COL8A2: variants seen among roughly 807,000 people sequenced by gnomAD.
COL8A2 encodes the protein collagen alpha-2(VIII) chain.
A neutral mutation model predicts 24.0 loss-of-function variants in COL8A2; 16 were observed. The ratio of observed to expected loss-of-function variants is 0.67; its 90% CI spans 0.45 to 1.01. The LOEUF is 1.01. Among genes scored for constraint, COL8A2 ranks in the 50% least tolerant of loss-of-function variants. The pLI is 0.00. For missense variants in COL8A2, 818 were observed against 942.4 expected (o/e 0.87, Z 1.73); for synonymous variants, 466 against 424.5 (o/e 1.10, Z -1.20).
chr1:36,099,013 C>A lies in COL8A2; in HGVS notation c.668G>T (p.Gly223Val). 6.4e-7 allele frequency: 1 copy of A among 1,565,384 alleles called. No homozygotes were observed. The highest frequency in any genetic ancestry group is 8.7e-7 in the Non-Finnish European group (1 of 1,155,472). The change falls in exon 4 of 4, where the codon GGT (glycine) becomes GTT (valine). Residue 223 changes from glycine (G) to valine (V), a missense_variant. Gly to Val is a moderately radical substitution (Grantham distance 109). This residue lies in a region of COL8A2 where 573 missense variants were observed against 616.8 expected (regional missense o/e 0.93). Coordinates refer to ENST00000397799, the MANE Select transcript of COL8A2 (RefSeq NM_005202.4). ...PGLPGAPGQG[G>V]APGPPGLPGP... Reference sequence around the variant, plus strand: ...AGGGAGGCCGGGGGGGCCGGGGGCACCCCCCTGCCCTGGGGCCCCAGGCAG... The same window carrying A: ...AGGGAGGCCGGGGGGGCCGGGGGCAACCCCCTGCCCTGGGGCCCCAGGCAG...
In COL8A2 at chr1:36,100,260, T is replaced by C; in HGVS notation, c.-16-2A>G. 6.5e-7 allele frequency: 1 copy of C among 1,543,126 alleles called. No individual in the cohort carries two copies. The highest frequency in any genetic ancestry group is 2.4e-5 in the East Asian group (1 of 41,058). On this transcript the variant is annotated splice_acceptor_variant, in intron 2 of 3. Coordinates refer to ENST00000397799, the MANE Select transcript of COL8A2 (RefSeq NM_005202.4). LOFTEE classifies it low-confidence loss of function (5UTR_SPLICE). ...CCCAGCATGGCGTCCGTGGACGTGC[T>C]GCAAAGAAGAACAGAGAAAGTCATC...
chr1:36,099,435 A>C lies in COL8A2; in HGVS notation c.246T>G (p.Pro82=). 1 of 1,545,588 alleles carries C rather than the reference A, an allele frequency of 6.5e-7. No individual in the cohort carries two copies. The change falls in exon 4 of 4, where the codon CCT becomes CCG. Residue 82 remains proline, a synonymous_variant. Transcript: ENST00000397799. ...PMDLKGEPGP[P]GKPGPRGPPG... The stretch of plus-strand genomic sequence containing the variant: ...GGGGACCCCGAGGCCCGGGCTTCCC[A>C]GGGGGGCCGGGCTCTCCCTTCAGGT...
chr1:36,102,677 T>G lies in COL8A2; in HGVS notation c.-16-2419A>C, dbSNP rs981329053. ...TCTATAAAGCTGGTTTTTTGTTTTT[T>G]TTTTTTTTTTTTGAGATGGAGTCTT... On this transcript the variant is annotated intron_variant, in intron 2 of 3. Transcript: ENST00000397799. Among the ~76,000 whole-genome samples the G allele has an allele frequency of 1.5e-4, 20 of 136,780 alleles. 1 individual carries two copies. Among genetic ancestry groups the G allele is most frequent in the African/African-American group, 2.4e-4 (9 of 37,184 alleles). The allele number at this position is 136,780 out of a possible 152,430, so 89.7% of individuals were successfully genotyped here.
intron 2 of COL8A2, among the ~76,000 whole-genome samples, chr1:36,109,580 T>TC (rs1203587091): frequency 3.0e-5 from 2 of 66,242 alleles, no homozygotes; most frequent in Non-Finnish European, 4.8e-5. Flanking sequence ...GAGTAACCAC[T>TC]CTTTTTTTTT....
Position 36,098,444 on chromosome 1 carries a change from G to A in COL8A2, c.1237C>T (p.Leu413Phe). The part of the protein sequence containing the change: ...GKPGVPGERG[L>F]PGAHGPPGPT... ...CCAGGGGGTCCATGGGCCCCAGGAA[G>A]TCCCCTCTCACCTGGGACCCCTGGT... The change falls in exon 4 of 4, where the codon CTT (leucine) becomes TTT (phenylalanine). Residue 413 changes from leucine to phenylalanine, a missense_variant. This residue lies in a region of COL8A2 where 573 missense variants were observed against 616.8 expected (regional missense o/e 0.93). Coordinates refer to ENST00000397799, the MANE Select transcript of COL8A2 (RefSeq NM_005202.4). The A allele has an allele frequency of 6.3e-7, 1 of 1,587,654 alleles. No homozygotes were observed. The highest frequency in any genetic ancestry group is 8.6e-7 in the Non-Finnish European group (1 of 1,167,604).
Position 36,099,029 on chromosome 1 carries a change from C to A in COL8A2, c.652G>T (p.Ala218Ser), listed in dbSNP as rs750896626. The change falls in exon 4 of 4, where the codon GCC (alanine) becomes TCC (serine). Residue 218 changes from alanine to serine, a missense_variant. By Grantham distance (99) the Ala-to-Ser change is moderately conservative. Around this residue, in one of 3 missense-constraint regions of COL8A2, gnomAD observed 573 missense variants for 616.8 expected, o/e 0.93. Transcript: ENST00000397799. ...NGVGQPGLPG[A>S]PGQGGAPGPP... ...CCGGGGGCACCCCCCTGCCCTGGGG[C>A]CCCAGGCAGCCCGGGCTGGCCCACT... 2 of 1,544,150 alleles carry A rather than the reference C, an allele frequency of 1.3e-6. No individual in the cohort carries two copies. The highest frequency in any genetic ancestry group is 1.7e-6 in the Non-Finnish European group (2 of 1,146,470).
In COL8A2 at chr1:36,125,002, T is replaced by C. The variant is rs1643942117; in HGVS notation, c.-62+55A>G. 2 of 746,968 alleles carry C rather than the reference T, an allele frequency of 2.7e-6. No homozygotes were observed. The highest frequency in any genetic ancestry group is 3.3e-6 in the Non-Finnish European group (2 of 612,118). 46.3% of individuals were successfully genotyped at this position (746,968 alleles called of 1,614,324 possible). On this transcript the variant is annotated intron_variant, in intron 1 of 3. Coordinates refer to ENST00000397799, the MANE Select transcript of COL8A2 (RefSeq NM_005202.4). This position sits in a 1 kb window ranked among gnomAD's most constrained non-coding sequence, Gnocchi z 4.5. ...GGTGTTGGGGGAAGCCCAGCCCAGG[T>C]CTTGCCCTCGGAGCCCCCCAGCCCG...
At chr1:36,113,764 T>C (rs1204384490) in intron 2 of COL8A2, among the ~76,000 whole-genome samples, 1 of 152,192 alleles carries the variant, frequency 6.6e-6, no homozygotes, top group Non-Finnish European at 1.5e-5. Context: ...CAGTTCCACC[T>C]AACAGTCCCA....
Position 36,098,246 on chromosome 1 carries a change from G to A in COL8A2, c.1435C>T (p.Leu479=), listed in dbSNP as rs1363253125. 3 of 1,544,840 alleles carry A rather than the reference G, an allele frequency of 1.9e-6. No individual in the cohort carries two copies. Among genetic ancestry groups the A allele is most frequent in the Non-Finnish European group, 1.7e-6 (2 of 1,144,968 alleles). Residue 479 remains leucine (L), a synonymous_variant, in exon 4 of 4, where the codon CTG becomes TTG. Coordinates refer to ENST00000397799, the MANE Select transcript of COL8A2 (RefSeq NM_005202.4). ...CCTGGTTCCCCCTTCAGGCCCGGCA[G>A]GCCTTGGGGCCCAATAGGGCCAGCT... ...GPAGPIGPQG[L]PGLKGEPGLP...
chr1:36,100,172 G>C lies in COL8A2; in HGVS notation c.71C>G (p.Pro24Arg), dbSNP rs138182427. The C allele has an allele frequency of 3.6e-4, 584 of 1,610,380 alleles. 3 individuals are homozygous for C. In the East Asian group the frequency reaches 0.011, roughly 31 times the overall value. The change falls in exon 3 of 4, where the codon CCG becomes CGG. Residue 24 changes from proline (P) to arginine (R), a missense_variant. Physicochemically the swap from Pro to Arg is moderately radical, Grantham distance 103 (BLOSUM62 -2). Coordinates refer to ENST00000397799, the MANE Select transcript of COL8A2 (RefSeq NM_005202.4). ...LLLVLVLGCG[P>R]RASSGGGAGG... The stretch of plus-strand genomic sequence containing the variant: ...GGCCCCGCCACCAGAGGACGCCCGC[G>C]GCCCACACCCCAGCACCAGCACCAG...
At chr1:36,111,294 T>C (rs1198609818) in intron 2 of COL8A2, among the ~76,000 whole-genome samples, 1 of 151,794 alleles carries the variant, frequency 6.6e-6, no homozygotes, top group Non-Finnish European at 1.5e-5. Context: ...TCACTCCCCC[T>C]CCACCCTCTC....
rs201487516 is a variant in COL8A2, at chr1:36,102,664, G to GTTTTTTT, written c.-16-2407_-16-2406insAAAAAAA. On this transcript the variant is annotated intron_variant, in intron 2 of 3. Transcript: ENST00000397799. ...TGTGTGAATTATATCTATAAAGCTG[G>GTTTTTTT]TTTTTTGTTTTTTTTTTTTTTTTTT... Among the ~76,000 whole-genome samples, 184 of 94,762 alleles carry GTTTTTTT rather than the reference G, an allele frequency of 1.9e-3. 16 individuals are homozygous for GTTTTTTT. The highest frequency in any genetic ancestry group is 2.4e-3 in the Admixed American group (16 of 6,694). 62.2% of individuals were successfully genotyped at this position (94,762 alleles called of 152,430 possible).
chr1:36,097,657 A>G lies in COL8A2; in HGVS notation c.2024T>C (p.Val675Ala). 1 of 1,613,634 alleles carries G rather than the reference A, an allele frequency of 6.2e-7. No homozygotes were observed. Among genetic ancestry groups the G allele is most frequent in the Non-Finnish European group, 8.5e-7 (1 of 1,180,000 alleles). Residue 675 changes from valine to alanine, a missense_variant, in exon 4 of 4, where the codon GTG (valine) becomes GCG (alanine). Coordinates refer to ENST00000397799, the MANE Select transcript of COL8A2 (RefSeq NM_005202.4). ...LQLRPNDQVW[V>A]QMPSDQANGL... is the part of the protein sequence containing the mutation. ...GTTGGCCTGGTCCGACGGCATCTGC[A>G]CCCAGACCTGGTCGTTGGGCCGCAG... is the stretch of plus-strand genomic sequence containing the variant.
At chr1:36,099,635 G>A (rs1280027430) in intron 3 of COL8A2, 148 bp from the exon 4 acceptor site, 1 of 686,562 alleles carries the variant, frequency 1.5e-6, no homozygotes, top group Non-Finnish European at 2.5e-6. Flanking sequence ...TGGGGTTTGG[G>A]GGTGGCCCAG....
At chr1:36,101,831 C>T (rs1296225248) in intron 2 of COL8A2, among the ~76,000 whole-genome samples, 1 of 152,084 alleles carries the variant, frequency 6.6e-6, no homozygotes, top group African/African-American at 2.4e-5. Context: ...ATCACTTGAG[C>T]CCTGAGTTTA....
chr1:36,111,051 G>A (rs1288204799), intron 2 of COL8A2, among the ~76,000 whole-genome samples: 2 of 152,176 alleles, frequency 1.3e-5, no homozygotes, highest in East Asian at 1.9e-4. Context: ...AAACTGGGGA[G>A]CCCTTTCCCA....
rs754492511 is a variant in COL8A2, at chr1:36,098,395, G to T, written c.1286C>A (p.Pro429Gln). Residue 429 changes from proline (P) to glutamine (Q), a missense_variant, in exon 4 of 4, where the codon CCG (proline) becomes CAG (glutamine). Around this residue, in one of 3 missense-constraint regions of COL8A2, gnomAD observed 573 missense variants for 616.8 expected, o/e 0.93. Transcript: ENST00000397799. ...PPGPTGPKGE[P>Q]GFTGRPGGPG... The stretch of plus-strand genomic sequence containing the variant: ...TCCTCCAGGGCGACCCGTGAAACCC[G>T]GCTCACCCTTGGGCCCAGTTGGTCC... 5.7e-6 allele frequency: 9 copies of T among 1,576,966 alleles called. No individual in the cohort carries two copies. Among genetic ancestry groups the T allele is most frequent in the Non-Finnish European group, 5.2e-6 (6 of 1,161,770 alleles).
chr1:36,099,489 T>A lies in COL8A2; in HGVS notation c.194-2A>T. The A allele has an allele frequency of 6.5e-7, 1 of 1,537,262 alleles. No homozygotes were observed. Among genetic ancestry groups the A allele is most frequent in the Non-Finnish European group, 8.7e-7 (1 of 1,147,008 alleles). ...TCGGCAGCAGCGGTAGAGGCATTTC[T>A]GAGAAAGAAAGAGAAAGGGGCAGTC... On this transcript the variant is annotated splice_acceptor_variant, in intron 3 of 3. Coordinates refer to ENST00000397799, the MANE Select transcript of COL8A2 (RefSeq NM_005202.4). LOFTEE classifies it high-confidence loss of function.
chr1:36,109,123 T>G (rs1643802437), intron 2 of COL8A2, among the ~76,000 whole-genome samples: 1 of 152,174 alleles, frequency 6.6e-6, no homozygotes, highest in African/African-American at 2.4e-5. Flanking sequence ...ACAGAGCAAC[T>G]GCAGCTGAGG....
Sources: allele counts gnomAD v4.1 joint callset (sites outside exome capture counted in the v4.1 genomes callset), GRCh38; gene constraint gnomAD v4.1.1; regional missense constraint gnomAD v4.1.1; non-coding constraint Gnocchi (gnomAD v3.1); transcripts MANE v1.5; gene names NCBI Gene and HGNC (gene_info 2026-07-23, HGNC 2026-07-21).